Variants in NBPF3 observed in about 807,000 individuals in gnomAD.
NBPF3 encodes the protein NBPF member 3, also known as NBPF family member NBPF3.
Under a neutral mutation model 78.1 loss-of-function variants are expected in NBPF3, and 57 were observed. The ratio of observed to expected loss-of-function variants is 0.73; its 90% CI spans 0.59 to 0.91. NBPF3 has a LOEUF of 0.91. Ranked by LOEUF, NBPF3 falls within the 40% of genes least tolerant of loss-of-function variation. The probability of loss-of-function intolerance (pLI) is 0.00; values close to 1 mark genes in which losing one functional copy is unlikely to be tolerated. For missense variants in NBPF3, 510 were observed against 715.3 expected (o/e 0.71, Z 3.27); for synonymous variants, 182 against 271.7 (o/e 0.67, Z 3.25).
rs1643224604 is a variant in NBPF3 at position 21,481,474 on chromosome 1, C to T, written c.1434-123C>T. 1.2e-5 allele frequency: 15 copies of T among 1,226,336 alleles called. No homozygotes were observed. The South Asian group carries it at 1.5e-4, about 13-fold the overall frequency. 76.0% of individuals were successfully genotyped at this position (1,226,336 alleles called of 1,614,324 possible). ...CCAACTGAGGGCAATAATTTGTTAC[C>T]TCATTAATGGATGTATCCTTTTTCT... On this transcript the variant is annotated intron_variant, in intron 12 of 14. Coordinates refer to ENST00000318249, the MANE Select transcript of NBPF3 (RefSeq NM_032264.6).
chr1:21,462,717 T>G (rs1642020256), intron 2 of NBPF3, among the ~76,000 whole-genome samples: 1 of 152,222 alleles, frequency 6.6e-6, no homozygotes, highest in African/African-American at 2.4e-5. Context: ...TGTGAATCAG[T>G]TTGATCTAAT....
chr1:21,444,617 C>T (rs1290627926), intron 1 of NBPF3, among the ~76,000 whole-genome samples: 1 of 152,162 alleles, frequency 6.6e-6, no homozygotes, highest in African/African-American at 2.4e-5. Flanking sequence ...AGCTCACTAA[C>T]CTCTAACTCA....
At chr1:21,464,514 T>C (rs993431554) in intron 2 of NBPF3, among the ~76,000 whole-genome samples, 2 of 151,968 alleles carry the variant, frequency 1.3e-5, no homozygotes, top group Non-Finnish European at 2.9e-5. Flanking sequence ...ATTATGAAAA[T>C]ATTCTGGAAT....
At chr1:21,471,170 A>G (rs897920767) in intron 4 of NBPF3, among the ~76,000 whole-genome samples, 1 of 151,994 alleles carries the variant, frequency 6.6e-6, no homozygotes, top group African/African-American at 2.4e-5. Flanking sequence ...AATTGGCCCC[A>G]TCTGCACCTG....
rs762237949 is a variant in NBPF3 at position 21,471,750 on chromosome 1, C to T, written c.628C>T (p.Leu210=). The part of the protein sequence containing the change: ...LREQLAEGCR[L]AQHLVQKLSP... Reference sequence around the variant, plus strand: ...AGAACAGCTGGCTGAGGGATGTAGGCTGGCACAGCACCTCGTCCAAAAGCT... The same window carrying T: ...AGAACAGCTGGCTGAGGGATGTAGGTTGGCACAGCACCTCGTCCAAAAGCT... The change falls in exon 5 of 15, where the codon CTG becomes TTG. Residue 210 remains leucine, a synonymous_variant. Transcript: ENST00000318249. 6.2e-7 allele frequency: 1 copy of T among 1,613,304 alleles called. No individual in the cohort carries two copies. Among genetic ancestry groups the T allele is most frequent in the South Asian group, 1.1e-5 (1 of 91,018 alleles).
chr1:21,469,015 T>C (rs996952104), intron 3 of NBPF3, 118 bp downstream of exon 3: 8 of 806,974 alleles, frequency 9.9e-6, no homozygotes, highest in African/African-American at 6.9e-5. Flanking sequence ...TCTAGGAAAA[T>C]AGAAATGGGC....
At chr1:21,442,608 C>T (rs930294463) in intron 1 of NBPF3, among the ~76,000 whole-genome samples, 9 of 152,016 alleles carry the variant, frequency 5.9e-5, no homozygotes, top group Admixed American at 2.6e-4. Context: ...CAATGCCTAA[C>T]CTAAGAGTAT....
At chr1:21,471,392 A>G (rs1462245968) in intron 4 of NBPF3, among the ~76,000 whole-genome samples, 177 bp from the exon 5 acceptor site, 1 of 152,192 alleles carries the variant, frequency 6.6e-6, no homozygotes, top group African/African-American at 2.4e-5. Flanking sequence ...ATACAGAGGA[A>G]GCCTGTGAAC....
chr1:21,450,488 ACAT>A (rs1254133746), intron 2 of NBPF3, among the ~76,000 whole-genome samples: 2 of 152,200 alleles, frequency 1.3e-5, no homozygotes, highest in Non-Finnish European at 2.9e-5. Context: ...CTGGCATATA[ACAT>A]CATAATCACA....
At chr1:21,477,354 G>A (rs556412433) in intron 8 of NBPF3, among the ~76,000 whole-genome samples, 21 of 152,152 alleles carry the variant, frequency 1.4e-4, no homozygotes, top group East Asian at 5.8e-4. Context: ...GAGAAGGGGC[G>A]CTCTGGTTTT....
At chr1:21,445,584 C>A (rs933941728) in intron 2 of NBPF3, among the ~76,000 whole-genome samples, 26 of 149,796 alleles carry the variant, frequency 1.7e-4, no homozygotes, top group Non-Finnish European at 3.1e-4. Flanking sequence ...CTGCTTTCTG[C>A]TCTTCAGCTT....
chr1:21,455,333 A>C (rs1641540476), intron 2 of NBPF3, among the ~76,000 whole-genome samples: 1 of 152,190 alleles, frequency 6.6e-6, no homozygotes, highest in African/African-American at 2.4e-5. Context: ...CTTTGTCTAC[A>C]CTCAGGAAGA....
chr1:21,481,351 G>C (rs1643214201), intron 12 of NBPF3, among the ~76,000 whole-genome samples: 1 of 145,440 alleles, frequency 6.9e-6, no homozygotes, highest in South Asian at 2.5e-4. Context: ...TGTGTCACCT[G>C]GACAATTCAG....
rs150404277 is a variant in NBPF3 at position 21,468,350 on chromosome 1, C to T, written c.134-338C>T. On this transcript the variant is annotated intron_variant, in intron 2 of 14. Coordinates refer to ENST00000318249, the MANE Select transcript of NBPF3 (RefSeq NM_032264.6). ...TGACCCTCAGGTGAGACGAGGGTGC[C>T]TGTGTTTCAGCAAAGCCTGGGCAAT... The T allele has an allele frequency of 6.3e-4, 764 of 1,216,960 alleles. 7 individuals carry two copies. The African/African-American group carries it at 0.011, about 18-fold the overall frequency. The allele number at this position is 1,216,960 out of a possible 1,614,324, so 75.4% of individuals were successfully genotyped here.
intron 1 of NBPF3, chr1:21,440,752 G>C (rs1010802385): frequency 6.6e-6 from 1 of 152,384 alleles, no homozygotes; most frequent in African/African-American, 2.4e-5. Context: ...GCAAAGTTGG[G>C]GTCTTTACTG....
At chr1:21,440,674 C>T (rs907765083) in intron 1 of NBPF3, 4 of 152,350 alleles carry the variant, frequency 2.6e-5, no homozygotes, top group Admixed American at 2.6e-4. Flanking sequence ...CTCCGCACCC[C>T]ACCCTCGAGG....
chr1:21,459,729 A>G, intron 2 of NBPF3: 1 of 382,838 alleles, frequency 2.6e-6, no homozygotes, highest in South Asian at 2.4e-5. Flanking sequence ...ACTGCCATGG[A>G]CAGCTTCTTT....
Position 21,468,729 on chromosome 1 carries a change from G to C in NBPF3, c.175G>C (p.Val59Leu), listed in dbSNP as rs779381680. Reference protein sequence around the residue: ...TSSATNVSMVVSAGPWSGEKA... With the variant: ...TSSATNVSMVLSAGPWSGEKA... Reference sequence around the variant, plus strand: ...TTCTGCCACAAACGTCAGCATGGTGGTATCTGCCGGCCCTTGGTCCGGTGA... The same window carrying C: ...TTCTGCCACAAACGTCAGCATGGTGCTATCTGCCGGCCCTTGGTCCGGTGA... The change falls in exon 3 of 15, where the codon GTA becomes CTA. Residue 59 changes from valine (V) to leucine (L), a missense_variant. Physicochemically the swap from Val to Leu is conservative, Grantham distance 32 (BLOSUM62 1). Around this residue, in one of 5 missense-constraint regions of NBPF3, gnomAD observed 440 missense variants for 478.2 expected, o/e 0.92. Coordinates refer to ENST00000318249, the MANE Select transcript of NBPF3 (RefSeq NM_032264.6). 6.2e-7 allele frequency: 1 copy of C among 1,613,476 alleles called. No homozygotes were observed. Among genetic ancestry groups the C allele is most frequent in the South Asian group, 1.1e-5 (1 of 91,066 alleles).
At chr1:21,454,166 C>T (rs1463714989) in intron 2 of NBPF3, 1 of 152,186 alleles carries the variant, frequency 6.6e-6, no homozygotes, top group Admixed American at 6.5e-5. Flanking sequence ...TCAAGTCCTC[C>T]CAGCAGAACA....
Sources: allele counts gnomAD v4.1 joint callset (sites outside exome capture counted in the v4.1 genomes callset), GRCh38; gene constraint gnomAD v4.1.1; regional missense constraint gnomAD v4.1.1; transcripts MANE v1.5; gene names NCBI Gene and HGNC (gene_info 2026-07-23, HGNC 2026-07-21).